BBS9: variants seen among roughly 807,000 people sequenced by gnomAD.
BBS9 encodes protein PTHB1.
BBS9 carries 89 observed loss-of-function variants against 117.7 expected under a neutral mutation model. The observed-to-expected ratio is 0.76, with a 90% confidence interval of 0.64 to 0.90. BBS9 has a LOEUF of 0.90. Among genes scored for constraint, BBS9 ranks in the 40% least tolerant of loss-of-function variants. BBS9 has a pLI of 0.00. For synonymous variants in BBS9, 379 were observed against 370.9 expected (o/e 1.02, Z -0.25); for missense variants, 982 against 1,042.2 (o/e 0.94, Z 0.80).
chr7:33,391,728 G>A (rs1233276895), intron 19 of BBS9, among the ~76,000 whole-genome samples: 1 of 151,938 alleles, frequency 6.6e-6, no homozygotes, highest in African/African-American at 2.4e-5. Context: ...TTACCATTTT[G>A]TGTATATTGA....
intron 21 of BBS9, among the ~76,000 whole-genome samples, chr7:33,574,713 A>G (rs1235773655): frequency 2.0e-5 from 3 of 147,288 alleles, no homozygotes; most frequent in African/African-American, 7.8e-5. Flanking sequence ...ACACACACAC[A>G]CACACACACA....
chr7:33,319,704 T>C (rs1250439503), intron 9 of BBS9, among the ~76,000 whole-genome samples: 1 of 152,142 alleles, frequency 6.6e-6, no homozygotes. Context: ...AAAGATAGAT[T>C]GGTGAGACTT....
At chr7:33,567,392 C>T (rs1049110382) in intron 21 of BBS9, among the ~76,000 whole-genome samples, 1 of 152,108 alleles carries the variant, frequency 6.6e-6, no homozygotes, top group Non-Finnish European at 1.5e-5. Flanking sequence ...AATCACCTAC[C>T]TTGTTATTTC....
At chr7:33,283,339 A>T (rs755336761) in intron 9 of BBS9, among the ~76,000 whole-genome samples, 1 of 152,040 alleles carries the variant, frequency 6.6e-6, no homozygotes, top group Non-Finnish European at 1.5e-5. Flanking sequence ...TTCTGTCTGG[A>T]TGCTCGTCTG....
intron 9 of BBS9, among the ~76,000 whole-genome samples, chr7:33,323,504 CTT>C (rs1466965070): frequency 6.6e-6 from 1 of 151,794 alleles, no homozygotes; most frequent in Non-Finnish European, 1.5e-5. Context: ...TCCTTCGTCT[CTT>C]TTTATAGTTT....
At chr7:33,594,188 C>T (rs1031068416) in intron 21 of BBS9, among the ~76,000 whole-genome samples, 3 of 152,086 alleles carry the variant, frequency 2.0e-5, no homozygotes, top group African/African-American at 7.2e-5. Context: ...ATTAGACTCT[C>T]TTTTATTCAC....
At chr7:33,517,461 C>T (rs1163390851) in intron 20 of BBS9, among the ~76,000 whole-genome samples, 1 of 152,222 alleles carries the variant, frequency 6.6e-6, no homozygotes, top group Non-Finnish European at 1.5e-5. Context: ...AGATTAATGC[C>T]CAGGTTCCCT....
chr7:33,625,311 T>G (rs1352924933), intron 21 of BBS9, among the ~76,000 whole-genome samples: 2 of 152,158 alleles, frequency 1.3e-5, no homozygotes, highest in African/African-American at 2.4e-5. Context: ...GCCTTTATTG[T>G]GTTCCTACTA....
chr7:33,520,055 C>A (rs1848381544), intron 20 of BBS9, among the ~76,000 whole-genome samples: 1 of 149,482 alleles, frequency 6.7e-6, no homozygotes, highest in Non-Finnish European at 1.5e-5. Flanking sequence ...GTTGCCCAGG[C>A]TAGAGTGCAG....
chr7:33,249,962 C>G (rs1193341114), intron 5 of BBS9, among the ~76,000 whole-genome samples: 3 of 152,138 alleles, frequency 2.0e-5, no homozygotes, highest in Non-Finnish European at 4.4e-5. Context: ...TGCATCGTAT[C>G]TGTCATGAAA....
chr7:33,244,361 T>C (rs1420155), intron 5 of BBS9, among the ~76,000 whole-genome samples: 126,012 of 152,228 alleles, frequency 0.83, 52,205 homozygotes, highest in Admixed American at 0.86. Flanking sequence ...GGAATCACTG[T>C]TTTACTGAGT....
intron 19 of BBS9, among the ~76,000 whole-genome samples, chr7:33,466,591 G>T (rs1184309689): frequency 6.6e-6 from 1 of 152,042 alleles, no homozygotes; most frequent in Non-Finnish European, 1.5e-5. Flanking sequence ...CACTTCGGTT[G>T]TTTCCATATC....
chr7:33,414,447 A>G (rs1831646511), intron 19 of BBS9, among the ~76,000 whole-genome samples: 2 of 152,206 alleles, frequency 1.3e-5, no homozygotes, highest in Non-Finnish European at 2.9e-5. Flanking sequence ...TTCAGATAAA[A>G]ATAAACACAA....
intron 19 of BBS9, among the ~76,000 whole-genome samples, chr7:33,401,423 T>C (rs2128791610): frequency 6.6e-6 from 1 of 152,282 alleles, no homozygotes. Context: ...GGGCACAGTC[T>C]CAGGAGGTCC....
chr7:33,320,871 G>A (rs1047092623), intron 9 of BBS9, among the ~76,000 whole-genome samples: 1 of 151,904 alleles, frequency 6.6e-6, no homozygotes, highest in East Asian at 1.9e-4. Flanking sequence ...TGAGATAAAA[G>A]ATTTCAGTCT....
Position 33,605,855 on chromosome 7 carries a change from A to G in BBS9, c.*629A>G, listed in dbSNP as rs1350989047. On this transcript the variant is annotated 3_prime_UTR_variant, in exon 23 of 23. Coordinates refer to ENST00000242067, the MANE Select transcript of BBS9 (RefSeq NM_198428.3). ...TCTAGTATTGTATGAAAATGTTTAA[A>G]TATTTTCAAGGAAGCTAGTACATTA... is the stretch of plus-strand genomic sequence containing the variant. 6.5e-6 allele frequency: 1 copy of G among 153,334 alleles called. No individual in the cohort carries two copies. The highest frequency in any genetic ancestry group is 1.9e-4 in the East Asian group (1 of 5,218). 9.5% of individuals were successfully genotyped at this position (153,334 alleles called of 1,614,324 possible).
At chr7:33,471,853 A>C (rs1192177328) in intron 19 of BBS9, among the ~76,000 whole-genome samples, 1 of 152,236 alleles carries the variant, frequency 6.6e-6, no homozygotes, top group Non-Finnish European at 1.5e-5. Context: ...CCACCAGGTC[A>C]CTGAAGTTGA....
At chr7:33,141,293 G>A (rs1473309721) in intron 1 of BBS9, among the ~76,000 whole-genome samples, 1 of 152,142 alleles carries the variant, frequency 6.6e-6, no homozygotes, top group Non-Finnish European at 1.5e-5. Context: ...GTGTTGGCAG[G>A]TGTCTGTAAT....
intron 21 of BBS9, among the ~76,000 whole-genome samples, chr7:33,612,000 T>G (rs1433129307): frequency 6.6e-6 from 1 of 151,398 alleles, no homozygotes; most frequent in East Asian, 1.9e-4. Context: ...GTTGCATGTA[T>G]ATCATTGGTC....
Sources: gnomAD v4.1 joint callset for allele counts (sites outside exome capture counted in the v4.1 genomes callset) on GRCh38, gnomAD v4.1.1 for gene constraint, MANE v1.5 for transcripts, NCBI Gene and HGNC (gene_info 2026-07-23, HGNC 2026-07-21) for gene names.